The following GALNT18 variants were observed in gnomAD, a reference collection of about 807,000 sequenced individuals.
The protein encoded by GALNT18 is GalNAc-transferase 18.
A neutral mutation model predicts 69.5 loss-of-function variants in GALNT18; 44 were observed. That is an observed-to-expected ratio of 0.63 (90% CI 0.50 to 0.81). The LOEUF (loss-of-function observed/expected upper bound fraction) is 0.81. GALNT18 is among the 40% of genes least tolerant of loss of function. The pLI is 0.00. For synonymous variants in GALNT18, 364 were observed against 318.2 expected (o/e 1.14, Z -1.53); for missense variants, 715 against 810.0 (o/e 0.88, Z 1.42).
At chr11:11,376,243 G>T (rs952716141) in intron 5 of GALNT18, among the ~76,000 whole-genome samples, 2 of 152,162 alleles carry the variant, frequency 1.3e-5, no homozygotes, top group Non-Finnish European at 2.9e-5. Context: ...TCAGCCAGGT[G>T]CAGTGGCAGG....
rs1416172683 is a variant in GALNT18 at position 11,583,932 on chromosome 11, C to G, written c.235+37427G>C. ...TGAATTATGGTCTTAGACAAGTCAA[C>G]GGCTCCCCACAAGATGAAAGCACAA... On this transcript the variant is annotated intron_variant, in intron 1 of 10. Coordinates refer to ENST00000227756, the MANE Select transcript of GALNT18 (RefSeq NM_198516.3). This position sits in a 1 kb window ranked among gnomAD's most constrained non-coding sequence, Gnocchi z 4.7. Among the ~76,000 whole-genome samples, 2 of 151,990 alleles carry G rather than the reference C, an allele frequency of 1.3e-5. No individual in the cohort carries two copies. Among genetic ancestry groups the G allele is most frequent in the Non-Finnish European group, 2.9e-5 (2 of 67,992 alleles).
intron 1 of GALNT18, among the ~76,000 whole-genome samples, chr11:11,532,066 C>T (rs1405737153): frequency 6.6e-6 from 1 of 152,174 alleles, no homozygotes; most frequent in Non-Finnish European, 1.5e-5. Flanking sequence ...TTCGAGCATT[C>T]ATCTCTGAAT....
chr11:11,614,987 G>T lies in GALNT18; in HGVS notation c.235+6372C>A, dbSNP rs140329691. ...TTCATAAAGCTGTGGTTCTGAACTA[G>T]TAACAAAGGTAATTAGGCTCAACTC... is the stretch of plus-strand genomic sequence containing the variant. On this transcript the variant is annotated intron_variant, in intron 1 of 10. Transcript: ENST00000227756. This position sits in a 1 kb window ranked among gnomAD's most constrained non-coding sequence, Gnocchi z 5.6. Among the ~76,000 whole-genome samples the T allele has an allele frequency of 1.9e-3, 286 of 152,320 alleles. 2 individuals carry two copies. The highest frequency in any genetic ancestry group is 6.6e-3 in the African/African-American group (275 of 41,578).
intron 9 of GALNT18, among the ~76,000 whole-genome samples, chr11:11,324,665 G>C (rs932841041): frequency 6.6e-6 from 1 of 152,088 alleles, no homozygotes; most frequent in Admixed American, 6.5e-5. Context: ...TAGTGATGTA[G>C]AGCATTTTTT....
Position 11,402,834 on chromosome 11 carries a change from T to C in GALNT18, c.596-23570A>G, listed in dbSNP as rs1854497610. ...GGCTTCTTGTAGTGCTGTTGGCATC[T>C]GACAAGGAGCCTCAGGTGTCCCCAC... On this transcript the variant is annotated intron_variant, in intron 3 of 10. Transcript: ENST00000227756. This position sits in a 1 kb window ranked among gnomAD's most constrained non-coding sequence, Gnocchi z 4.0. 6.6e-6 allele frequency among the ~76,000 whole-genome samples: 1 copy of C among 152,216 alleles called. No individual in the cohort carries two copies. The highest frequency in any genetic ancestry group is 1.5e-5 in the Non-Finnish European group (1 of 68,034).
Position 11,377,359 on chromosome 11 carries a change from C to T in GALNT18, c.800G>A (p.Arg267His), listed in dbSNP as rs961626863. 6.2e-6 allele frequency: 10 copies of T among 1,613,652 alleles called. No homozygotes were observed. The highest frequency in any genetic ancestry group is 1.3e-5 in the African/African-American group (1 of 74,854). ...GATCCGCTTCCGGTTCTCCTTGATG[C>T]GGGTGAGTACAGGTTCAGCCCTGGG... is the stretch of plus-strand genomic sequence containing the variant. ...NVGWAEPVLT[R>H]IKENRKRIIS... is the part of the protein sequence containing the mutation. Residue 267 changes from arginine (R) to histidine (H), a missense_variant, in exon 5 of 11, where the codon CGC (arginine) becomes CAC (histidine). Physicochemically the swap from Arg to His is conservative, Grantham distance 29. Transcript: ENST00000227756. The surrounding 1 kb of genome is among the most constrained non-coding windows in gnomAD (Gnocchi z 4.6).
intron 1 of GALNT18, among the ~76,000 whole-genome samples, chr11:11,515,477 C>T (rs1857254228): frequency 6.6e-6 from 1 of 152,232 alleles, no homozygotes; most frequent in Admixed American, 6.5e-5. Context: ...ATGCTGCCCA[C>T]CTGTCAGCCT....
In GALNT18 at chr11:11,314,546, A is replaced by T. The variant is rs11021794; in HGVS notation, c.1512+12540T>A. Among the ~76,000 whole-genome samples, 15,198 of 152,176 alleles carry T rather than the reference A, an allele frequency of 0.1. 869 individuals carry two copies. Among genetic ancestry groups the T allele is most frequent in the Non-Finnish European group, 0.13 (8,860 of 67,996 alleles). On this transcript the variant is annotated intron_variant, in intron 9 of 10. Transcript: ENST00000227756. The surrounding 1 kb of genome is among the most constrained non-coding windows in gnomAD (Gnocchi z 5.2). ...TGACCCTGAGCTGATGTGTCCAGGC[A>T]GGAGATGGCTGGTCTGCCTCTCTTT...
At position 11,582,699 on chromosome 11, in the gene GALNT18, T is replaced by C. The variant is rs1021667026; in HGVS notation, c.235+38660A>G. On this transcript the variant is annotated intron_variant, in intron 1 of 10. Transcript: ENST00000227756. This position sits in a 1 kb window ranked among gnomAD's most constrained non-coding sequence, Gnocchi z 5.0. Reference sequence around the variant, plus strand: ...AAGCCTTTGTGATGTTGCTCCAGCATAACCCAGTGGAAACTAACCAACACA... The same window carrying C: ...AAGCCTTTGTGATGTTGCTCCAGCACAACCCAGTGGAAACTAACCAACACA... 1.3e-5 allele frequency among the ~76,000 whole-genome samples: 2 copies of C among 152,250 alleles called. No individual in the cohort carries two copies. The highest frequency in any genetic ancestry group is 2.9e-5 in the Non-Finnish European group (2 of 68,048).
chr11:11,426,607 C>T (rs1855136228), intron 3 of GALNT18, among the ~76,000 whole-genome samples: 1 of 152,196 alleles, frequency 6.6e-6, no homozygotes, highest in Non-Finnish European at 1.5e-5. Context: ...ATGGAGCTTA[C>T]ACACTGGGGG....
intron 3 of GALNT18, among the ~76,000 whole-genome samples, chr11:11,380,690 C>T (rs1459756885): frequency 6.6e-6 from 1 of 152,230 alleles, no homozygotes; most frequent in African/African-American, 2.4e-5. Context: ...TGTGCAGGTG[C>T]TTGTGTGTGT....
At chr11:11,275,088 T>C (rs1332367386) in intron 10 of GALNT18, among the ~76,000 whole-genome samples, 2 of 152,262 alleles carry the variant, frequency 1.3e-5, no homozygotes, top group Non-Finnish European at 2.9e-5. Context: ...TCAAATAGTA[T>C]TTCTAGTTCT....
At chr11:11,313,893 A>G (rs189563521) in intron 9 of GALNT18, among the ~76,000 whole-genome samples, 58 of 152,364 alleles carry the variant, frequency 3.8e-4, no homozygotes, top group Non-Finnish European at 6.6e-4. Flanking sequence ...GCTACCTTTA[A>G]TAATCATGAA....
intron 9 of GALNT18, among the ~76,000 whole-genome samples, chr11:11,319,921 G>C (rs990791503): frequency 1.3e-5 from 2 of 152,156 alleles, no homozygotes; most frequent in Non-Finnish European, 2.9e-5. Context: ...CGATGACTGT[G>C]TACCAGATTT....
chr11:11,321,619 T>C (rs1564894258), intron 9 of GALNT18, among the ~76,000 whole-genome samples: 1 of 152,186 alleles, frequency 6.6e-6, no homozygotes, highest in Non-Finnish European at 1.5e-5. Context: ...TTTTGTTTTT[T>C]TGAGATGGAG....
At position 11,439,303 on chromosome 11, in the gene GALNT18, T is replaced by A. The variant is rs986787957; in HGVS notation, c.429-6516A>T. Among the ~76,000 whole-genome samples, 2 of 152,200 alleles carry A rather than the reference T, an allele frequency of 1.3e-5. No homozygotes were observed. Among genetic ancestry groups the A allele is most frequent in the African/African-American group, 4.8e-5 (2 of 41,452 alleles). ...GCAGGCTGGAGCTGTCCAGGATGTC[T>A]TGAACCACGCTGCCTCCTCCAGAGC... On this transcript the variant is annotated intron_variant, in intron 2 of 10. Coordinates refer to ENST00000227756, the MANE Select transcript of GALNT18 (RefSeq NM_198516.3). This position sits in a 1 kb window ranked among gnomAD's most constrained non-coding sequence, Gnocchi z 4.4.
intron 2 of GALNT18, 108 bp downstream of exon 2, chr11:11,448,631 CAGGAA>C (rs72161646): frequency 0.11 from 87,953 of 802,848 alleles, 4,885 homozygotes; most frequent in African/African-American, 0.14. Flanking sequence ...CTGGCTGAAG[CAGGAA>C]AGGGACCCAA....
chr11:11,282,368 G>C (rs1387032062), intron 10 of GALNT18, among the ~76,000 whole-genome samples: 3 of 152,186 alleles, frequency 2.0e-5, no homozygotes, highest in African/African-American at 4.8e-5. Flanking sequence ...CATTTGCCTA[G>C]TACTATGCCA....
At chr11:11,353,293 C>T (rs534275803) in intron 6 of GALNT18, 880 of 738,548 alleles carry the variant, frequency 1.2e-3, no homozygotes, top group Non-Finnish European at 1.8e-3. Flanking sequence ...AATATGGCGG[C>T]GATGGAGTGG....
Sources: allele counts gnomAD v4.1 joint callset (sites outside exome capture counted in the v4.1 genomes callset), GRCh38; gene constraint gnomAD v4.1.1; non-coding constraint Gnocchi (gnomAD v3.1); transcripts MANE v1.5; gene names NCBI Gene and HGNC (gene_info 2026-07-23, HGNC 2026-07-21).